The following GSTP1 variants were observed in gnomAD, a reference collection of about 807,000 sequenced individuals.
GSTP1 encodes glutathione S-transferase P.
In GSTP1, 28 loss-of-function variants were observed where a neutral mutation model predicts 29.4. That is an observed-to-expected ratio of 0.95 (90% CI 0.71 to 1.30). GSTP1 has a LOEUF of 1.30. GSTP1 is among the 50% of genes most tolerant of loss of function. The probability of loss-of-function intolerance (pLI) is 0.00; values close to 1 mark genes in which losing one functional copy is unlikely to be tolerated. For synonymous variants in GSTP1, 122 were observed against 117.0 expected (o/e 1.04, Z -0.28); for missense variants, 267 against 266.1 (o/e 1.00, Z -0.02).
rs749618287 is a variant in GSTP1 at position 67,585,224 on chromosome 11, C to A, written c.319C>A (p.Leu107Ile). The change falls in exon 5 of 7, where the codon CTC (leucine) becomes ATC (isoleucine). Residue 107 changes from leucine to isoleucine, a missense_variant. Transcript: ENST00000398606. Reference sequence around the variant, plus strand: ...GGACCTCCGCTGCAAATACATCTCCCTCATCTACACCAACTATGTGAGCAT... The same window carrying A: ...GGACCTCCGCTGCAAATACATCTCCATCATCTACACCAACTATGTGAGCAT... ...VEDLRCKYISLIYTNYEAGKD... is the reference protein window; with the variant it reads ...VEDLRCKYISIIYTNYEAGKD... 7.5e-6 allele frequency: 12 copies of A among 1,597,666 alleles called. No individual in the cohort carries two copies. The highest frequency in any genetic ancestry group is 1.0e-5 in the Non-Finnish European group (12 of 1,168,346).
chr11:67,585,669 G>A (rs1044285587), intron 5 of GSTP1, among the ~76,000 whole-genome samples: 15 of 140,646 alleles, frequency 1.1e-4, no homozygotes, highest in African/African-American at 4.2e-4. Context: ...GTGTGTGCGC[G>A]TGCGTGTGCA....
chr11:67,585,987 G>T, intron 5 of GSTP1, 117 bp from the exon 6 acceptor site: 1 of 712,724 alleles, frequency 1.4e-6, no homozygotes, highest in Non-Finnish European at 2.5e-6. Context: ...TACTAGCCTG[G>T]TTGTGGGGAG....
chr11:67,584,335 C>T, intron 2 of GSTP1, 129 bp from the exon 3 acceptor site: 1 of 719,498 alleles, frequency 1.4e-6, no homozygotes, highest in East Asian at 2.7e-5. Context: ...GCTCCCCGCC[C>T]CAGTGTTGTG....
At position 67,584,525 on chromosome 11, in the gene GSTP1, G is replaced by A; in HGVS notation, c.99G>A (p.Val33=). Residue 33 remains valine, a synonymous_variant, in exon 3 of 7, where the codon GTG becomes GTA. Transcript: ENST00000398606. ...AGGGCCAGAGCTGGAAGGAGGAGGT[G>A]GTGACCGTGGAGACGTGGCAGGAGG... ...ADQGQSWKEE[V]VTVETWQEGS... is the part of the protein sequence containing the mutation. The A allele has an allele frequency of 1.3e-6, 2 of 1,588,316 alleles. No individual in the cohort carries two copies. The highest frequency in any genetic ancestry group is 2.3e-5 in the South Asian group (2 of 88,730).
In GSTP1 at chr11:67,585,193, C is replaced by T. The variant is rs1199221093; in HGVS notation, c.288C>T (p.Gly96=). The T allele has an allele frequency of 2.2e-5, 35 of 1,613,436 alleles. No individual in the cohort carries two copies. The East Asian group carries it at 2.9e-4, about 13-fold the overall frequency. The change falls in exon 5 of 7, where the codon GGC becomes GGT. Residue 96 remains glycine (G), a synonymous_variant. Transcript: ENST00000398606. Reference sequence around the variant, plus strand: ...CCCTGGTGGACATGGTGAATGACGGCGTGGAGGACCTCCGCTGCAAATACA... The same window carrying T: ...CCCTGGTGGACATGGTGAATGACGGTGTGGAGGACCTCCGCTGCAAATACA... ...EAALVDMVND[G]VEDLRCKYIS... is the part of the protein sequence containing the mutation.
Position 67,584,791 on chromosome 11 carries a change from A to G in GSTP1, c.232+19A>G, listed in dbSNP as rs375332467. The G allele has an allele frequency of 1.9e-6, 3 of 1,554,474 alleles. No individual in the cohort carries two copies. Among genetic ancestry groups the G allele is most frequent in the Non-Finnish European group, 1.8e-6 (2 of 1,126,044 alleles). Reference sequence around the variant, plus strand: ...ACCCTTGGTGAGTCTTGAACCTCCAAGTCCAGGGCAGGCATGGGCAAGCCT... The same window carrying G: ...ACCCTTGGTGAGTCTTGAACCTCCAGGTCCAGGGCAGGCATGGGCAAGCCT... On this transcript the variant is annotated intron_variant, in intron 4 of 6. Transcript: ENST00000398606.
Position 67,584,164 on chromosome 11 carries a change from T to C in GSTP1, c.32T>C (p.Val11Ala), listed in dbSNP as rs770921838. 1 of 1,612,590 alleles carries C rather than the reference T, an allele frequency of 6.2e-7. No homozygotes were observed. Among genetic ancestry groups the C allele is most frequent in the East Asian group, 2.2e-5 (1 of 44,820 alleles). ...CCCTACACCGTGGTCTATTTCCCAG[T>C]TCGAGGTAGGAGCATGTGTCTGGCA... MPPYTVVYFP[V>A]RGRCAALRML... The change falls in exon 2 of 7, where the codon GTT becomes GCT. Residue 11 changes from valine to alanine, a missense_variant. Transcript: ENST00000398606.
chr11:67,584,410 C>T (rs1241545428), intron 2 of GSTP1, 54 bp from the exon 3 acceptor site: 1 of 1,017,078 alleles, frequency 9.8e-7, no homozygotes, highest in East Asian at 2.6e-5. Context: ...CCCCGGGTTG[C>T]TGCGAGGCGG....
chr11:67,584,910 G>A lies in GSTP1; in HGVS notation c.232+138G>A, dbSNP rs8191449. 9,500 of 724,650 alleles carry A rather than the reference G, an allele frequency of 0.013. 582 individuals carry two copies. The African/African-American group carries it at 0.14, about 11-fold the overall frequency. 44.9% of individuals were successfully genotyped at this position (724,650 alleles called of 1,614,324 possible). ...CACTGAGGTTACGTAGTTTGCCCAA[G>A]GTCAAGCCTGGGTGCCTGCAATCCT... On this transcript the variant is annotated intron_variant, in intron 4 of 6. Coordinates refer to ENST00000398606, the MANE Select transcript of GSTP1 (RefSeq NM_000852.4).
At chr11:67,586,347 C>T (rs8191451) in intron 6 of GSTP1, 42 bp from the exon 7 acceptor site, 7 of 1,587,970 alleles carry the variant, frequency 4.4e-6, no homozygotes, top group Non-Finnish European at 6.0e-6. Flanking sequence ...ATTCCTCCAG[C>T]CTGCTCCCGC....
In GSTP1 at chr11:67,585,220, C is replaced by T. The variant is rs2134394396; in HGVS notation, c.315C>T (p.Ile105=). The change falls in exon 5 of 7, where the codon ATC becomes ATT. Residue 105 remains isoleucine, a synonymous_variant. Transcript: ENST00000398606. The stretch of plus-strand genomic sequence containing the variant: ...TGGAGGACCTCCGCTGCAAATACAT[C>T]TCCCTCATCTACACCAACTATGTGA... ...DGVEDLRCKY[I]SLIYTNYEAG... is the part of the protein sequence containing the mutation. The T allele has an allele frequency of 6.2e-7, 1 of 1,601,346 alleles. No individual in the cohort carries two copies. The highest frequency in any genetic ancestry group is 1.1e-5 in the South Asian group (1 of 89,968).
At chr11:67,586,269 C>T in intron 6 of GSTP1, 58 bp downstream of exon 6, 3 of 1,523,030 alleles carry the variant, frequency 2.0e-6, no homozygotes, top group Non-Finnish European at 2.7e-6. Flanking sequence ...CAGATGGACA[C>T]AGGTGTGAGC....
intron 5 of GSTP1, 63 bp from the exon 6 acceptor site, chr11:67,586,041 G>C: frequency 8.0e-7 from 1 of 1,251,994 alleles, no homozygotes; most frequent in Non-Finnish European, 1.2e-6. Flanking sequence ...GCCTGGGGCA[G>C]ACGGGGGTGT....
chr11:67,585,269 TG>T (rs1565218621), intron 5 of GSTP1, 28 bp downstream of exon 5: 2 of 1,448,952 alleles, frequency 1.4e-6, no homozygotes. Context: ...GGTTGGGCAC[TG>T]GGGGCTGAAC....
chr11:67,583,826 G>A lies in GSTP1; in HGVS notation c.-18G>A, dbSNP rs8191439. 0.025 allele frequency: 18,813 copies of A among 743,180 alleles called. 2,537 individuals carry two copies. The Admixed American group carries it at 0.27, about 11-fold the overall frequency. 46.0% of individuals were successfully genotyped at this position (743,180 alleles called of 1,614,324 possible). On this transcript the variant is annotated 5_prime_UTR_variant, in exon 1 of 7. Transcript: ENST00000398606. Reference sequence around the variant, plus strand: ...GCGAGGCCTTCGCTGGAGTTTCGCCGCCGCAGTCTTCGCCACCAGTGAGTA... The same window carrying A: ...GCGAGGCCTTCGCTGGAGTTTCGCCACCGCAGTCTTCGCCACCAGTGAGTA...
chr11:67,584,397 C>T, intron 2 of GSTP1, 67 bp from the exon 3 acceptor site: 3 of 870,814 alleles, frequency 3.4e-6, no homozygotes, highest in Non-Finnish European at 5.3e-6. Flanking sequence ...ACTCCTGACC[C>T]CTCCCCGGGT....
chr11:67,584,957 C>A (rs1867441253), intron 4 of GSTP1, 181 bp from the exon 5 acceptor site: 4 of 645,112 alleles, frequency 6.2e-6, no homozygotes, highest in Non-Finnish European at 1.1e-5. Flanking sequence ...AGGCTGCCTC[C>A]CAGGTGTCAG....
chr11:67,584,994 C>T, intron 4 of GSTP1, 144 bp from the exon 5 acceptor site: 1 of 643,378 alleles, frequency 1.6e-6, no homozygotes, highest in East Asian at 2.7e-5. Flanking sequence ...TGCTGTGTGG[C>T]AGTCTCTCAT....
chr11:67,584,516 G>A lies in GSTP1; in HGVS notation c.90G>A (p.Lys30=). The A allele has an allele frequency of 6.3e-7, 1 of 1,580,252 alleles. No homozygotes were observed. Among genetic ancestry groups the A allele is most frequent in the Non-Finnish European group, 8.6e-7 (1 of 1,163,940 alleles). ...TGGCAGATCAGGGCCAGAGCTGGAA[G>A]GAGGAGGTGGTGACCGTGGAGACGT... ...MLLADQGQSW[K]EEVVTVETWQ... is the part of the protein sequence containing the mutation. The change falls in exon 3 of 7, where the codon AAG becomes AAA. Residue 30 remains lysine, a synonymous_variant. Coordinates refer to ENST00000398606, the MANE Select transcript of GSTP1 (RefSeq NM_000852.4).
Sources: gnomAD v4.1 joint callset for allele counts (sites outside exome capture counted in the v4.1 genomes callset) on GRCh38, gnomAD v4.1.1 for gene constraint, MANE v1.5 for transcripts, NCBI Gene and HGNC (gene_info 2026-07-23, HGNC 2026-07-21) for gene names.